The following PACRG variants were observed in gnomAD, a reference collection of about 807,000 sequenced individuals.
PACRG encodes parkin coregulated gene protein.
In PACRG, 29 loss-of-function variants were observed where a neutral mutation model predicts 29.7. The ratio of observed to expected loss-of-function variants is 0.98; its 90% confidence interval spans 0.73 to 1.33. PACRG has a LOEUF of 1.33. Ranked by LOEUF, PACRG falls within the 40% of genes most tolerant of loss-of-function variation. The probability of loss-of-function intolerance (pLI) is 0.00; values close to 1 mark genes in which losing one functional copy is unlikely to be tolerated. For missense variants in PACRG, 279 were observed against 316.2 expected (o/e 0.88, Z 0.89); for synonymous variants, 116 against 118.7 (o/e 0.98, Z 0.15).
intron 2 of PACRG, among the ~76,000 whole-genome samples, chr6:163,057,023 T>C (rs1371798440): frequency 6.6e-6 from 1 of 152,182 alleles, no homozygotes; most frequent in Non-Finnish European, 1.5e-5. Context: ...CTCGGTTTTC[T>C]CAGGAGTAAA....
chr6:162,770,776 C>T (rs1783157959), intron 1 of PACRG, among the ~76,000 whole-genome samples: 1 of 152,160 alleles, frequency 6.6e-6, no homozygotes, highest in East Asian at 1.9e-4. Context: ...ATATAGCAAC[C>T]ATTTTCTGGA....
chr6:162,727,864 C>T, upstream of PACRG: 1 of 600,678 alleles, frequency 1.7e-6, no homozygotes, highest in Non-Finnish European at 2.9e-6. Flanking sequence ...CGCGTAGTTT[C>T]TCCTCACGCC....
rs1452109247 is a variant in PACRG at position 163,186,037 on chromosome 6, A to T, written c.613+96629A>T. ...AGCCTATATGTCACAGGGCTTCTTT[A>T]AACAGTGACTGGGCCTTTCTGCTGG... On this transcript the variant is annotated intron_variant, in intron 4 of 4. Coordinates refer to ENST00000366888, the MANE Select transcript of PACRG (RefSeq NM_001080379.2). Among the ~76,000 whole-genome samples, 5 of 152,262 alleles carry T rather than the reference A, an allele frequency of 3.3e-5. No homozygotes were observed. In the East Asian group the frequency reaches 9.7e-4, roughly 29 times the overall value.
chr6:163,007,041 T>A (rs1186544473), intron 2 of PACRG, among the ~76,000 whole-genome samples: 1 of 152,160 alleles, frequency 6.6e-6, no homozygotes, highest in Non-Finnish European at 1.5e-5. Flanking sequence ...AAGTATTTTT[T>A]ATGATTCCCT....
chr6:162,936,389 C>A (rs1461920245), intron 2 of PACRG, among the ~76,000 whole-genome samples: 1 of 152,172 alleles, frequency 6.6e-6, no homozygotes, highest in African/African-American at 2.4e-5. Flanking sequence ...AATGTATTAA[C>A]TTAAACAATC....
chr6:163,231,209 C>T (rs961045690), intron 4 of PACRG, among the ~76,000 whole-genome samples: 1 of 152,236 alleles, frequency 6.6e-6, no homozygotes, highest in African/African-American at 2.4e-5. Flanking sequence ...GCAGCACTGG[C>T]GTCCTCCAAA....
chr6:163,014,223 A>G (rs527815334), intron 2 of PACRG, among the ~76,000 whole-genome samples: 2 of 152,278 alleles, frequency 1.3e-5, no homozygotes, highest in East Asian at 1.9e-4. Context: ...TCTATGGTGT[A>G]TATGTACCAC....
chr6:162,842,831 T>C (rs1160554844), intron 2 of PACRG, among the ~76,000 whole-genome samples: 1 of 123,550 alleles, frequency 8.1e-6, no homozygotes, highest in Non-Finnish European at 1.6e-5. Context: ...GTCTGTAAAG[T>C]ATTTTATTTC....
chr6:163,211,833 T>G (rs1781155983), intron 4 of PACRG, among the ~76,000 whole-genome samples: 1 of 152,182 alleles, frequency 6.6e-6, no homozygotes, highest in Non-Finnish European at 1.5e-5. Flanking sequence ...CATAATGCAG[T>G]GCTCATTCTC....
At chr6:162,878,241 G>T (rs554539159) in intron 2 of PACRG, among the ~76,000 whole-genome samples, 3 of 152,048 alleles carry the variant, frequency 2.0e-5, no homozygotes, top group Non-Finnish European at 4.4e-5. Flanking sequence ...ATTAAAAATT[G>T]ACATTATGAC....
intron 4 of PACRG, among the ~76,000 whole-genome samples, chr6:163,220,388 G>A (rs1781534805): frequency 6.6e-6 from 1 of 152,198 alleles, no homozygotes; most frequent in Non-Finnish European, 1.5e-5. Context: ...AGGACTGACT[G>A]CTAAGCGGGG....
At chr6:162,880,796 C>T (rs966324127) in intron 2 of PACRG, among the ~76,000 whole-genome samples, 1 of 152,042 alleles carries the variant, frequency 6.6e-6, no homozygotes, top group South Asian at 2.1e-4. Flanking sequence ...TCCGAGATAC[C>T]CTAAAACTAC....
At chr6:163,289,451 T>G (rs1053793076) in intron 4 of PACRG, among the ~76,000 whole-genome samples, 1 of 152,220 alleles carries the variant, frequency 6.6e-6, no homozygotes. Flanking sequence ...ACTTCATTCT[T>G]TTTCATTGAC....
intron 1 of PACRG, among the ~76,000 whole-genome samples, chr6:162,735,778 A>G (rs1780120195): frequency 6.6e-6 from 1 of 152,226 alleles, no homozygotes. Flanking sequence ...TACCTCAAAC[A>G]TACTTGTGTA....
chr6:163,054,184 C>T (rs1029134837), intron 2 of PACRG: 3 of 152,174 alleles, frequency 2.0e-5, no homozygotes, highest in South Asian at 2.1e-4. Context: ...CCAGCGTGAC[C>T]GTATTTGGAG....
intron 2 of PACRG, among the ~76,000 whole-genome samples, chr6:162,911,875 T>C (rs1236421283): frequency 6.6e-6 from 1 of 152,176 alleles, no homozygotes; most frequent in Admixed American, 6.5e-5. Flanking sequence ...CTGAAAGTCC[T>C]GTAGAAAAAG....
intron 2 of PACRG, among the ~76,000 whole-genome samples, chr6:162,979,685 C>T (rs1028077138): frequency 6.6e-6 from 1 of 152,072 alleles, no homozygotes; most frequent in Non-Finnish European, 1.5e-5. Context: ...ATCTCTTACA[C>T]ACTTGAAATG....
intron 2 of PACRG, chr6:163,060,797 A>G (rs1811034519): frequency 6.6e-6 from 1 of 152,156 alleles, no homozygotes; most frequent in Non-Finnish European, 1.5e-5. Context: ...ACTCACATCC[A>G]GGGGTAGGCA....
intron 4 of PACRG, among the ~76,000 whole-genome samples, chr6:163,090,515 C>T (rs913676029): frequency 6.6e-6 from 1 of 152,162 alleles, no homozygotes; most frequent in Non-Finnish European, 1.5e-5. Context: ...GATGGTTAGT[C>T]TTTACGCAAA....
Sources: allele counts gnomAD v4.1 joint callset (sites outside exome capture counted in the v4.1 genomes callset), GRCh38; gene constraint gnomAD v4.1.1; transcripts MANE v1.5; gene names NCBI Gene and HGNC (gene_info 2026-07-23, HGNC 2026-07-21).